Variants in DMD observed in about 807,000 individuals in gnomAD.
DMD encodes dystrophin.
DMD carries 63 observed loss-of-function variants against 330.1 expected under a neutral mutation model. That is an observed-to-expected ratio of 0.19 (90% CI 0.16 to 0.24). DMD has a LOEUF of 0.24. Ranked by LOEUF, DMD falls within the 10% of genes least tolerant of loss-of-function variation. The pLI is 1.00. For missense variants in DMD, 3,344 were observed against 2,684.1 expected (o/e 1.25, Z -5.43); for synonymous variants, 1,223 against 959.8 (o/e 1.27, Z -5.07).
intron 29 of DMD, among the ~76,000 whole-genome samples, chrX:32,433,542 G>T (rs1333804331): frequency 8.9e-6 from 1 of 111,861 alleles, no homozygotes; most frequent in East Asian, 2.8e-4. Flanking sequence ...GCCTGGCGTA[G>T]TGGCATGTGC....
At chrX:31,134,319 C>G in intron 76 of DMD, 125 bp from the exon 77 acceptor site, 1 of 540,241 alleles carries the variant, frequency 1.9e-6, no homozygotes, top group Non-Finnish European at 3.0e-6. Flanking sequence ...ACAAAGAAAA[C>G]CCTCAAGCTT....
At chrX:31,557,860 GA>G (rs1241355449) in intron 55 of DMD, among the ~76,000 whole-genome samples, 48 of 101,375 alleles carry the variant, frequency 4.7e-4, no homozygotes, top group East Asian at 2.2e-3. Context: ...ATACAGATTG[GA>G]AAAAAAAAAA....
intron 47 of DMD, among the ~76,000 whole-genome samples, chrX:31,918,909 T>A (rs922934358): frequency 8.9e-6 from 1 of 112,154 alleles, no homozygotes; most frequent in African/African-American, 3.2e-5. Flanking sequence ...AGTGCTGGGA[T>A]TACAGGCGTG....
intron 68 of DMD, among the ~76,000 whole-genome samples, chrX:31,181,164 T>C (rs753694797): frequency 8.9e-6 from 1 of 111,916 alleles, no homozygotes; most frequent in African/African-American, 3.2e-5. Context: ...TTGGTACATT[T>C]CCTCCATTAT....
intron 28 of DMD, among the ~76,000 whole-genome samples, chrX:32,440,524 A>T (rs1314385071): frequency 9.0e-6 from 1 of 111,487 alleles, no homozygotes; most frequent in African/African-American, 3.3e-5. Flanking sequence ...CATATATTAC[A>T]TATTCTAAAA....
intron 1 of DMD, among the ~76,000 whole-genome samples, chrX:33,298,685 G>T (rs1288417217): frequency 8.9e-6 from 1 of 111,839 alleles, no homozygotes; most frequent in Non-Finnish European, 1.9e-5. Flanking sequence ...GCTACATACT[G>T]TAATCACTCA....
At chrX:31,516,577 T>C (rs1052506223) in intron 55 of DMD, among the ~76,000 whole-genome samples, 4 of 111,970 alleles carry the variant, frequency 3.6e-5, no homozygotes, top group African/African-American at 1.3e-4. Flanking sequence ...CTGGTTGCTC[T>C]AGGTAGATAA....
chrX:32,151,809 G>T (rs2096805069), intron 44 of DMD, among the ~76,000 whole-genome samples: 1 of 111,837 alleles, frequency 8.9e-6, no homozygotes. Flanking sequence ...TCACTATCGT[G>T]AGCACCTCAG....
intron 76 of DMD, among the ~76,000 whole-genome samples, chrX:31,137,526 C>T (rs1456899236): frequency 9.0e-6 from 1 of 110,951 alleles, no homozygotes; most frequent in Non-Finnish European, 1.9e-5. Flanking sequence ...TTAAAAACCA[C>T]AAAAGTTTAA....
intron 13 of DMD, among the ~76,000 whole-genome samples, chrX:32,582,831 C>A (rs2053800854): frequency 9.0e-6 from 1 of 111,718 alleles, no homozygotes; most frequent in African/African-American, 3.3e-5. Context: ...AAAACATATT[C>A]TCTGCCTCTT....
At chrX:32,522,050 CT>C (rs955503658) in intron 17 of DMD, among the ~76,000 whole-genome samples, 9 of 112,014 alleles carry the variant, frequency 8.0e-5, no homozygotes, top group African/African-American at 2.6e-4. Flanking sequence ...ACTTCCCAAA[CT>C]CCAGAAATGG....
intron 1 of DMD, among the ~76,000 whole-genome samples, chrX:33,117,407 TATTA>T (rs1482722600): frequency 9.0e-6 from 1 of 111,450 alleles, no homozygotes; most frequent in Non-Finnish European, 1.9e-5. Context: ...GTGAAGGATA[TATTA>T]ATTAACTTGA....
intron 56 of DMD, among the ~76,000 whole-genome samples, chrX:31,499,025 G>T (rs1341655250): frequency 8.9e-6 from 1 of 111,779 alleles, no homozygotes; most frequent in African/African-American, 3.3e-5. Context: ...ATTCCTTGGG[G>T]TGTCTGGAAT....
intron 18 of DMD, among the ~76,000 whole-genome samples, chrX:32,516,170 C>T (rs746843083): frequency 1.8e-5 from 2 of 111,177 alleles, no homozygotes; most frequent in African/African-American, 3.3e-5. Flanking sequence ...CTATATAAAC[C>T]GACAGGTGAT....
intron 43 of DMD, among the ~76,000 whole-genome samples, chrX:32,228,520 T>C (rs1285774277): frequency 8.9e-6 from 1 of 112,001 alleles, no homozygotes; most frequent in African/African-American, 3.2e-5. Context: ...TGATCTGTAA[T>C]GCTACTTTTA....
At chrX:31,249,714 G>GTCA (rs760288598) in intron 63 of DMD, among the ~76,000 whole-genome samples, 28 of 111,055 alleles carry the variant, frequency 2.5e-4, no homozygotes, top group Non-Finnish European at 4.5e-4. Flanking sequence ...CTCCTTGAGT[G>GTCA]TCAAATGTGA....
chrX:32,693,928 A>G (rs763608818), intron 9 of DMD, among the ~76,000 whole-genome samples: 2 of 111,953 alleles, frequency 1.8e-5, no homozygotes, highest in Non-Finnish European at 3.8e-5. Flanking sequence ...GGAAAGTTTT[A>G]AGAGTGAATA....
At chrX:32,698,237 A>C (rs1441358522) in intron 8 of DMD, among the ~76,000 whole-genome samples, 1 of 111,694 alleles carries the variant, frequency 9.0e-6, no homozygotes, top group Non-Finnish European at 1.9e-5. Flanking sequence ...CTATTTAGCC[A>C]TGAGGATTCC....
At chrX:32,836,269 T>C (rs1263510072) in intron 4 of DMD, among the ~76,000 whole-genome samples, 1 of 109,802 alleles carries the variant, frequency 9.1e-6, no homozygotes, top group Non-Finnish European at 1.9e-5. Flanking sequence ...TGACCTCAGG[T>C]GATCTGCCCG....
Sources: gnomAD v4.1 joint callset for allele counts (sites outside exome capture counted in the v4.1 genomes callset) on GRCh38, gnomAD v4.1.1 for gene constraint, MANE v1.5 for transcripts, NCBI Gene and HGNC (gene_info 2026-07-23, HGNC 2026-07-21) for gene names.